The following CAST variants were observed in gnomAD, a reference collection of about 807,000 sequenced individuals.
CAST encodes the protein calpastatin.
A neutral mutation model predicts 119.6 loss-of-function variants in CAST; 76 were observed. The observed-to-expected ratio is 0.64, with a 90% CI of 0.53 to 0.77. The LOEUF (loss-of-function observed/expected upper bound fraction) is 0.77. CAST is among the 30% of genes least tolerant of loss of function. CAST has a pLI of 0.00. For missense variants in CAST, 953 were observed against 946.5 expected, an observed-to-expected ratio of 1.01 and a Z score of -0.09; for synonymous variants, 319 against 331.6, an observed-to-expected ratio of 0.96 and a Z score of 0.41.
chr5:96,216,675 A>G, the CAST span, among the ~76,000 whole-genome samples: 1 of 152,220 alleles, frequency 6.6e-6, no homozygotes, highest in Non-Finnish European at 1.5e-5. Context: ...CTTCAAGATC[A>G]TGGTGGTGGA....
At chr5:96,337,910 A>G in the CAST span, among the ~76,000 whole-genome samples, 1 of 152,224 alleles carries the variant, frequency 6.6e-6, no homozygotes, top group Non-Finnish European at 1.5e-5. Context: ...CATTTTGAAC[A>G]CATATAAAAC....
intron 1 of CAST, among the ~76,000 whole-genome samples, chr5:96,627,091 A>T (rs2150200931): frequency 6.6e-6 from 1 of 152,346 alleles, no homozygotes; most frequent in East Asian, 1.9e-4. Context: ...TGCATGAGAA[A>T]CTGGGAAACA....
the CAST span, among the ~76,000 whole-genome samples, chr5:96,464,261 T>G: frequency 6.6e-6 from 1 of 152,038 alleles, no homozygotes; most frequent in Non-Finnish European, 1.5e-5. Context: ...CCTTTTGAAA[T>G]AGATATTATA....
intron 4 of CAST, 133 bp from the exon 5 acceptor site, chr5:96,726,661 T>TA: frequency 3.4e-6 from 2 of 589,158 alleles, no homozygotes; most frequent in Non-Finnish European, 5.9e-6. Flanking sequence ...TTCTTGGAGT[T>TA]ATACACATAT....
At chr5:96,063,045 C>T in the CAST span, among the ~76,000 whole-genome samples, 1 of 152,202 alleles carries the variant, frequency 6.6e-6, no homozygotes, top group Non-Finnish European at 1.5e-5. Context: ...AAGAGATGAC[C>T]AATCAGAATC....
chr5:96,009,620 C>T, the CAST span, among the ~76,000 whole-genome samples: 2 of 152,090 alleles, frequency 1.3e-5, no homozygotes, highest in South Asian at 2.1e-4. Context: ...TGTTCATGTC[C>T]GTTGCCTATT....
At chr5:96,123,331 A>G in the CAST span, among the ~76,000 whole-genome samples, 28 of 152,264 alleles carry the variant, frequency 1.8e-4, no homozygotes, top group African/African-American at 6.5e-4. Flanking sequence ...ATCATTATTT[A>G]CTTGGACACC....
the CAST span, among the ~76,000 whole-genome samples, chr5:96,303,497 C>A: frequency 6.6e-6 from 1 of 152,042 alleles, no homozygotes; most frequent in East Asian, 1.9e-4. Context: ...TTCTGGGGTA[C>A]ATGTGCAGAA....
At chr5:96,171,274 C>T in the CAST span, among the ~76,000 whole-genome samples, 1 of 152,094 alleles carries the variant, frequency 6.6e-6, no homozygotes, top group African/African-American at 2.4e-5. Context: ...AGCGGTGTTG[C>T]AGAAGAAAAT....
chr5:96,671,945 T>C (rs750876932), intron 1 of CAST, among the ~76,000 whole-genome samples: 1 of 152,234 alleles, frequency 6.6e-6, no homozygotes, highest in Non-Finnish European at 1.5e-5. Flanking sequence ...AGTGAAAAGA[T>C]ACAATTGACT....
At chr5:96,613,694 A>G (rs1747403893) in intron 1 of CAST, among the ~76,000 whole-genome samples, 1 of 152,204 alleles carries the variant, frequency 6.6e-6, no homozygotes. Flanking sequence ...AAGGGTATTC[A>G]AAGGCACAAA....
chr5:96,623,862 A>AT (rs201861206), intron 1 of CAST, among the ~76,000 whole-genome samples: 5,404 of 148,348 alleles, frequency 0.036, 102 homozygotes, highest in African/African-American at 0.05. Context: ...ACACCTGGCT[A>AT]TTTTTTTTTT....
intron 16 of CAST, chr5:96,743,488 C>A: frequency 2.4e-6 from 3 of 1,248,624 alleles, no homozygotes; most frequent in Non-Finnish European, 3.2e-6. Context: ...CCTCCATCAG[C>A]TCAGGCTGGG....
intron 1 of CAST, chr5:96,584,599 C>T (rs889333716): frequency 6.6e-6 from 1 of 152,194 alleles, no homozygotes; most frequent in African/African-American, 2.4e-5. Context: ...TGTTAGAGGT[C>T]TGAAAAGGCA....
At chr5:96,217,000 G>A in the CAST span, among the ~76,000 whole-genome samples, 1 of 152,034 alleles carries the variant, frequency 6.6e-6, no homozygotes, top group African/African-American at 2.4e-5. Flanking sequence ...TTAAAAAGAT[G>A]TGTACTCAAG....
chr5:96,291,777 A>T, the CAST span, among the ~76,000 whole-genome samples: 1 of 150,852 alleles, frequency 6.6e-6, no homozygotes, highest in Non-Finnish European at 1.5e-5. Context: ...GACCCATAGG[A>T]TCCTCCCTGT....
At chr5:96,609,376 G>A (rs1747318294) in intron 1 of CAST, among the ~76,000 whole-genome samples, 1 of 151,930 alleles carries the variant, frequency 6.6e-6, no homozygotes, top group African/African-American at 2.4e-5. Flanking sequence ...AGAAATATAG[G>A]ATTTTTATGG....
At chr5:96,505,478 C>CA in the CAST span, among the ~76,000 whole-genome samples, 27 of 151,258 alleles carry the variant, frequency 1.8e-4, no homozygotes, top group East Asian at 7.7e-4. Flanking sequence ...GACTCCGTCT[C>CA]AAAAAAAATA....
chr5:96,671,851 AAT>A (rs1157202882), intron 1 of CAST, among the ~76,000 whole-genome samples: 1 of 152,212 alleles, frequency 6.6e-6, no homozygotes, highest in Non-Finnish European at 1.5e-5. Flanking sequence ...AGCTGGATCG[AAT>A]TTGACATATG....
Sources: allele counts gnomAD v4.1 joint callset (sites outside exome capture counted in the v4.1 genomes callset), GRCh38; gene constraint gnomAD v4.1.1; transcripts MANE v1.5; gene names NCBI Gene and HGNC (gene_info 2026-07-23, HGNC 2026-07-21).